Variants in KIAA1217 observed in about 807,000 individuals in gnomAD.
The protein encoded by KIAA1217 is KIAA1217.
Under a neutral mutation model 163.9 loss-of-function variants are expected in KIAA1217, and 88 were observed. The ratio of observed to expected loss-of-function variants is 0.54; its 90% CI spans 0.45 to 0.64. KIAA1217 has a LOEUF of 0.64. Ranked by LOEUF, KIAA1217 falls within the 30% of genes least tolerant of loss-of-function variation. The pLI is 0.00. For missense variants in KIAA1217, 2,372 were observed against 2,475.0 expected (o/e 0.96, Z 0.88); for synonymous variants, 903 against 923.1 (o/e 0.98, Z 0.39).
chr10:23,727,491 T>G (rs931248490), intron 1 of KIAA1217, among the ~76,000 whole-genome samples: 1 of 151,618 alleles, frequency 6.6e-6, no homozygotes, highest in African/African-American at 2.4e-5. Flanking sequence ...ACCTGGGAGG[T>G]GGAGGTTGCA....
chr10:24,392,167 A>G (rs1373361869), intron 3 of KIAA1217, among the ~76,000 whole-genome samples: 1 of 152,228 alleles, frequency 6.6e-6, no homozygotes, highest in East Asian at 1.9e-4. Context: ...ATATTAGAAT[A>G]TAAGACAAAA....
intron 1 of KIAA1217, among the ~76,000 whole-genome samples, chr10:23,835,016 A>G (rs1838381911): frequency 6.6e-6 from 1 of 152,096 alleles, no homozygotes; most frequent in African/African-American, 2.4e-5. Flanking sequence ...GCATTTGGGA[A>G]AGACGTCTAG....
intron 3 of KIAA1217, among the ~76,000 whole-genome samples, chr10:24,403,647 C>G (rs1041774947): frequency 7.9e-5 from 12 of 152,222 alleles, no homozygotes; most frequent in Admixed American, 5.9e-4. Flanking sequence ...ACTCTTAAAA[C>G]TCAATAGTGA....
At chr10:24,175,940 G>A (rs182216200) in intron 2 of KIAA1217, among the ~76,000 whole-genome samples, 30 of 152,306 alleles carry the variant, frequency 2.0e-4, no homozygotes, top group Middle Eastern at 6.8e-3. Context: ...CAAAGAGTGA[G>A]CAGCAGCAAT....
At chr10:24,427,988 G>C (rs1349010778) in intron 3 of KIAA1217, among the ~76,000 whole-genome samples, 1 of 152,200 alleles carries the variant, frequency 6.6e-6, no homozygotes, top group Admixed American at 6.5e-5. Context: ...TCTGTGACTG[G>C]ACTCATGCAC....
chr10:24,147,883 G>GAAAA (rs1307328724), intron 2 of KIAA1217, among the ~76,000 whole-genome samples: 1 of 57,122 alleles, frequency 1.8e-5, no homozygotes, highest in African/African-American at 6.6e-5. Context: ...GAAAAGAAAA[G>GAAAA]AAAAATGAAC....
At chr10:24,329,670 A>G (rs961860400) in intron 2 of KIAA1217, among the ~76,000 whole-genome samples, 4 of 152,174 alleles carry the variant, frequency 2.6e-5, no homozygotes, top group African/African-American at 9.7e-5. Context: ...CCATCTTTCC[A>G]GGTTTACTCA....
chr10:24,449,325 T>A, intron 5 of KIAA1217: 1 of 237,066 alleles, frequency 4.2e-6, no homozygotes, highest in Non-Finnish European at 6.7e-6. Flanking sequence ...CCTTGTACTA[T>A]TTTTTTTTTT....
At chr10:24,324,277 C>T (rs931621658) in intron 2 of KIAA1217, among the ~76,000 whole-genome samples, 4 of 150,408 alleles carry the variant, frequency 2.7e-5, no homozygotes, top group East Asian at 4.0e-4. Context: ...CAAAAAACAA[C>T]AGCAACAGGC....
chr10:24,116,283 A>G (rs7076047), intron 2 of KIAA1217, among the ~76,000 whole-genome samples: 2,429 of 152,170 alleles, frequency 0.016, 70 homozygotes, highest in African/African-American at 0.055. Context: ...GCTCAGAAAA[A>G]AAAGGCCAAA....
intron 1 of KIAA1217, among the ~76,000 whole-genome samples, chr10:23,955,844 T>G (rs1844536543): frequency 6.6e-6 from 1 of 152,208 alleles, no homozygotes; most frequent in African/African-American, 2.4e-5. Context: ...TCGGTTCATT[T>G]TATCACAGAA....
intron 4 of KIAA1217, among the ~76,000 whole-genome samples, chr10:24,435,010 G>A (rs1015763984): frequency 2.6e-5 from 4 of 152,164 alleles, no homozygotes; most frequent in Non-Finnish European, 4.4e-5. Context: ...CACCCTGGGG[G>A]GAATAGCAAG....
intron 1 of KIAA1217, among the ~76,000 whole-genome samples, chr10:23,961,041 G>T (rs943458256): frequency 6.6e-6 from 1 of 152,274 alleles, no homozygotes. Flanking sequence ...TTTAGAATTT[G>T]TATTGGAAGC....
chr10:24,152,747 G>T (rs564922946), intron 2 of KIAA1217, among the ~76,000 whole-genome samples: 242 of 146,566 alleles, frequency 1.7e-3, no homozygotes, highest in Non-Finnish European at 3.0e-3. Flanking sequence ...AAAACTCTTT[G>T]TAAAGAAAGA....
intron 1 of KIAA1217, among the ~76,000 whole-genome samples, chr10:23,818,174 T>C (rs1837434261): frequency 7.0e-6 from 1 of 142,880 alleles, no homozygotes; most frequent in Non-Finnish European, 1.5e-5. Context: ...CCATGTACGA[T>C]GACATCAATA....
At chr10:24,545,198 G>A in intron 20 of KIAA1217, 95 bp downstream of exon 20, 2 of 1,549,060 alleles carry the variant, frequency 1.3e-6, no homozygotes, top group South Asian at 2.5e-5. Flanking sequence ...TTCTTTGTAA[G>A]ATAACGGTTT....
chr10:24,312,770 C>T (rs2042872063), intron 2 of KIAA1217, among the ~76,000 whole-genome samples: 1 of 152,036 alleles, frequency 6.6e-6, no homozygotes, highest in Non-Finnish European at 1.5e-5. Context: ...TAAAAATTAG[C>T]TGGGTGTGAT....
intron 1 of KIAA1217, among the ~76,000 whole-genome samples, chr10:23,794,670 A>G (rs1428503270): frequency 1.3e-5 from 2 of 152,238 alleles, no homozygotes; most frequent in African/African-American, 2.4e-5. Context: ...TGTGGAATGC[A>G]TGCTTTGCTC....
At chr10:23,744,181 G>T (rs1266877529) in intron 1 of KIAA1217, among the ~76,000 whole-genome samples, 2 of 152,182 alleles carry the variant, frequency 1.3e-5, no homozygotes, top group African/African-American at 4.8e-5. Flanking sequence ...GGCCTTAGTG[G>T]TGTCTGTAGC....
Sources: allele counts gnomAD v4.1 joint callset (sites outside exome capture counted in the v4.1 genomes callset), GRCh38; gene constraint gnomAD v4.1.1; transcripts MANE v1.5; gene names NCBI Gene and HGNC (gene_info 2026-07-23, HGNC 2026-07-21).